The following JARID2 variants were observed in gnomAD, a reference collection of about 807,000 sequenced individuals.
JARID2 encodes the protein jumonji and AT-rich interaction domain containing 2, also known as protein Jumonji.
JARID2 carries 21 observed loss-of-function variants against 125.6 expected under a neutral mutation model. The ratio of observed to expected loss-of-function variants is 0.17; its 90% confidence interval spans 0.12 to 0.24. The LOEUF is 0.24. JARID2 is among the 10% of genes least tolerant of loss of function. The pLI is 1.00. For missense variants in JARID2, 1,303 were observed against 1,639.6 expected, an observed-to-expected ratio of 0.79 and a Z score of 3.55; for synonymous variants, 736 against 661.6, an observed-to-expected ratio of 1.11 and a Z score of -1.73.
chr6:15,413,002 G>GTTTGTTT (rs1765953191), intron 3 of JARID2, among the ~76,000 whole-genome samples: 2 of 46,532 alleles, frequency 4.3e-5, no homozygotes, highest in Admixed American at 2.8e-4. Context: ...AAGAGCTTGT[G>GTTTGTTT]TTTTTGTTTT....
intron 1 of JARID2, among the ~76,000 whole-genome samples, chr6:15,286,979 G>T (rs1398498336): frequency 1.3e-5 from 2 of 152,086 alleles, no homozygotes; most frequent in Non-Finnish European, 2.9e-5. Context: ...GCTGGCTGTG[G>T]TGGCAGGCGC....
intron 3 of JARID2, among the ~76,000 whole-genome samples, chr6:15,449,755 G>A (rs538783315): frequency 3.3e-5 from 5 of 152,212 alleles, no homozygotes; most frequent in African/African-American, 9.6e-5. Context: ...TACCCACTAA[G>A]TAGTTGGAGT....
chr6:15,419,742 T>A (rs1315578526), intron 3 of JARID2, among the ~76,000 whole-genome samples: 1 of 152,220 alleles, frequency 6.6e-6, no homozygotes, highest in Non-Finnish European at 1.5e-5. Context: ...CTGATGAGAA[T>A]CCTGTTGTTA....
At chr6:15,300,506 C>T (rs1383424328) in intron 1 of JARID2, among the ~76,000 whole-genome samples, 3 of 152,110 alleles carry the variant, frequency 2.0e-5, no homozygotes, top group Non-Finnish European at 4.4e-5. Context: ...ATAAACTGTA[C>T]CCGTAATTCA....
At chr6:15,512,766 A>AGG (rs1771341797) in intron 14 of JARID2, 149 bp from the exon 15 acceptor site, 2 of 848,782 alleles carry the variant, frequency 2.4e-6, no homozygotes, top group Admixed American at 4.7e-5. Context: ...CCTTTCTCAC[A>AGG]GGGAGGCAAA....
At chr6:15,337,115 C>G (rs1762904832) in intron 1 of JARID2, among the ~76,000 whole-genome samples, 1 of 152,138 alleles carries the variant, frequency 6.6e-6, no homozygotes, top group African/African-American at 2.4e-5. Context: ...CCATCTCTTT[C>G]CTGCGGCTGA....
chr6:15,265,331 CTCTGTAGT>C (rs1760040007), intron 1 of JARID2, among the ~76,000 whole-genome samples: 1 of 149,994 alleles, frequency 6.7e-6, no homozygotes, highest in South Asian at 2.1e-4. Context: ...GAGTTCTTGT[CTCTGTAGT>C]TCTGCATCCC....
rs538253633 is a variant in JARID2, at chr6:15,415,647, AC to A, written c.323+5290del. On this transcript the variant is annotated intron_variant, in intron 3 of 17. Coordinates refer to ENST00000341776, the MANE Select transcript of JARID2 (RefSeq NM_004973.4). ...GGGCGGCTGGCCGGGCGGGGGGCTG[AC>A]CCCCCCCACCTCCCTCCCGGACGGG... Among the ~76,000 whole-genome samples, 501 of 89,772 alleles carry A rather than the reference AC, an allele frequency of 5.6e-3. 4 individuals are homozygous for A. Among genetic ancestry groups the A allele is most frequent in the East Asian group, 0.02 (56 of 2,782 alleles). 58.9% of individuals were successfully genotyped at this position (89,772 alleles called of 152,430 possible).
intron 5 of JARID2, among the ~76,000 whole-genome samples, chr6:15,471,531 T>C (rs770597596): frequency 6.6e-6 from 1 of 152,146 alleles, no homozygotes; most frequent in Non-Finnish European, 1.5e-5. Flanking sequence ...TTTCACCCTT[T>C]TATGCTGATT....
intron 1 of JARID2, among the ~76,000 whole-genome samples, chr6:15,275,467 G>A (rs1383567869): frequency 1.4e-5 from 2 of 143,188 alleles, no homozygotes; most frequent in Non-Finnish European, 3.0e-5. Flanking sequence ...GTTCAAGTCA[G>A]ATGCTTTGAA....
intron 1 of JARID2, among the ~76,000 whole-genome samples, chr6:15,372,171 G>C (rs534543934): frequency 6.6e-6 from 1 of 152,158 alleles, no homozygotes; most frequent in Admixed American, 6.5e-5. Flanking sequence ...AGATCATCTA[G>C]ACTTCTCATT....
At chr6:15,396,754 C>T (rs1039934366) in intron 2 of JARID2, among the ~76,000 whole-genome samples, 10 of 152,104 alleles carry the variant, frequency 6.6e-5, no homozygotes, top group Non-Finnish European at 1.5e-4. Context: ...CTTGGTTGAC[C>T]ATGGCTGACT....
At position 15,285,500 on chromosome 6, in the gene JARID2, T is replaced by C. The variant is rs144605606; in HGVS notation, c.45+38916T>C. Reference sequence around the variant, plus strand: ...AAGTCAGTTAACTAGGTTATTACTTTGTGAAGTAAAGTTAAACATCTGGTC... The same window carrying C: ...AAGTCAGTTAACTAGGTTATTACTTCGTGAAGTAAAGTTAAACATCTGGTC... On this transcript the variant is annotated intron_variant, in intron 1 of 17. Transcript: ENST00000341776. 5.2e-3 allele frequency among the ~76,000 whole-genome samples: 798 copies of C among 152,278 alleles called. 10 individuals carry two copies. The highest frequency in any genetic ancestry group is 0.018 in the African/African-American group (735 of 41,542).
chr6:15,312,720 T>C (rs928425375), intron 1 of JARID2, among the ~76,000 whole-genome samples: 1 of 152,220 alleles, frequency 6.6e-6, no homozygotes, highest in Admixed American at 6.5e-5. Flanking sequence ...GTGTTCTTCC[T>C]GTGACTCACT....
intron 1 of JARID2, among the ~76,000 whole-genome samples, chr6:15,360,192 A>T (rs1012680074): frequency 1.7e-4 from 26 of 151,056 alleles, no homozygotes; most frequent in African/African-American, 4.9e-4. Context: ...TAATTAATTA[A>T]TTTTTTTTGA....
intron 5 of JARID2, among the ~76,000 whole-genome samples, chr6:15,478,917 G>A (rs982966383): frequency 2.6e-5 from 4 of 152,076 alleles, no homozygotes; most frequent in Admixed American, 2.0e-4. Flanking sequence ...CGCCTGCCTC[G>A]GCTTCCCAAA....
chr6:15,407,717 A>G (rs986269323), intron 2 of JARID2, among the ~76,000 whole-genome samples: 1 of 152,098 alleles, frequency 6.6e-6, no homozygotes, highest in East Asian at 1.9e-4. Flanking sequence ...TGGTATTGCA[A>G]GCTTGCCGGC....
At chr6:15,487,684 T>A (rs567984812) in intron 6 of JARID2, 142 bp downstream of exon 6, 1 of 742,670 alleles carries the variant, frequency 1.3e-6, no homozygotes, top group African/African-American at 1.8e-5. Context: ...AGAGCGCACC[T>A]TTGCATGAGC....
At chr6:15,471,967 TCTA>T (rs112480797) in intron 5 of JARID2, among the ~76,000 whole-genome samples, 1,697 of 152,268 alleles carry the variant, frequency 0.011, 17 homozygotes, top group African/African-American at 0.026. Context: ...CTTAGGAGAT[TCTA>T]CTTTTTCATT....
Sources: allele counts gnomAD v4.1 joint callset (sites outside exome capture counted in the v4.1 genomes callset), GRCh38; gene constraint gnomAD v4.1.1; transcripts MANE v1.5; gene names NCBI Gene and HGNC (gene_info 2026-07-23, HGNC 2026-07-21).